Variants in MAP2 observed in about 807,000 individuals in gnomAD.
MAP2 encodes the protein microtubule-associated protein 2.
A neutral mutation model predicts 137.6 loss-of-function variants in MAP2; 14 were observed. That is an observed-to-expected ratio of 0.10 (90% CI 0.07 to 0.16). MAP2 has a LOEUF of 0.16. Ranked by LOEUF, MAP2 falls within the 10% of genes least tolerant of loss-of-function variation. MAP2 has a pLI of 1.00. For missense variants in MAP2, 2,088 were observed against 2,191.5 expected (o/e 0.95, Z 0.94); for synonymous variants, 786 against 782.3 (o/e 1.00, Z -0.08).
chr2:209,529,772 T>C (rs1160087024), intron 2 of MAP2, among the ~76,000 whole-genome samples: 1 of 152,136 alleles, frequency 6.6e-6, no homozygotes, highest in Non-Finnish European at 1.5e-5. Context: ...GCTATTTATT[T>C]CTCATTTTAG....
intron 1 of MAP2, among the ~76,000 whole-genome samples, chr2:209,458,351 G>A (rs892424025): frequency 2.0e-5 from 3 of 152,116 alleles, no homozygotes; most frequent in Admixed American, 6.6e-5. Flanking sequence ...ATGAGTGGAT[G>A]CATTCCAACT....
At chr2:209,462,149 GA>G (rs1416254622) in intron 1 of MAP2, among the ~76,000 whole-genome samples, 1 of 152,168 alleles carries the variant, frequency 6.6e-6, no homozygotes, top group African/African-American at 2.4e-5. Context: ...TGACAACTAT[GA>G]AACGTTTTGT....
At chr2:209,430,902 T>C (rs1403399493) in intron 1 of MAP2, among the ~76,000 whole-genome samples, 1 of 152,196 alleles carries the variant, frequency 6.6e-6, no homozygotes, top group Non-Finnish European at 1.5e-5. Context: ...CTAGGACTTA[T>C]TTAAAAGATC....
intron 5 of MAP2, among the ~76,000 whole-genome samples, chr2:209,662,207 G>A (rs1445736633): frequency 1.3e-5 from 2 of 152,124 alleles, no homozygotes; most frequent in African/African-American, 4.8e-5. Flanking sequence ...AATATAATAG[G>A]ATATTTAAAA....
chr2:209,717,969 A>G (rs969307619), intron 13 of MAP2, among the ~76,000 whole-genome samples: 22 of 152,342 alleles, frequency 1.4e-4, no homozygotes, highest in South Asian at 4.1e-4. Flanking sequence ...ACGAACTTGT[A>G]AAAATACTGT....
At chr2:209,563,893 G>A (rs570924953) in intron 2 of MAP2, among the ~76,000 whole-genome samples, 13 of 152,092 alleles carry the variant, frequency 8.5e-5, no homozygotes, top group Non-Finnish European at 1.2e-4. Flanking sequence ...AAACTTGCAC[G>A]TACTAGGTGA....
At chr2:209,570,114 A>T (rs1251998750) in intron 2 of MAP2, among the ~76,000 whole-genome samples, 1 of 151,878 alleles carries the variant, frequency 6.6e-6, no homozygotes, top group Non-Finnish European at 1.5e-5. Context: ...GTAAAAATCT[A>T]TATTTTTAAT....
chr2:209,543,815 T>C (rs999138615), intron 2 of MAP2, among the ~76,000 whole-genome samples: 7 of 152,232 alleles, frequency 4.6e-5, no homozygotes, highest in Non-Finnish European at 7.3e-5. Flanking sequence ...TTTGCTTTAG[T>C]ACTGTATGAA....
intron 4 of MAP2, among the ~76,000 whole-genome samples, chr2:209,652,928 T>A (rs146405894): frequency 6.6e-6 from 1 of 152,336 alleles, no homozygotes; most frequent in East Asian, 1.9e-4. Flanking sequence ...ATGACATTGA[T>A]CTTATTTTAA....
At chr2:209,651,443 C>A (rs2094793239) in intron 4 of MAP2, among the ~76,000 whole-genome samples, 1 of 152,136 alleles carries the variant, frequency 6.6e-6, no homozygotes, top group Admixed American at 6.6e-5. Flanking sequence ...ATATAATTAA[C>A]AAACAATAAC....
chr2:209,494,679 G>A (rs1359197402), intron 1 of MAP2, among the ~76,000 whole-genome samples: 1 of 152,174 alleles, frequency 6.6e-6, no homozygotes, highest in Admixed American at 6.5e-5. Flanking sequence ...TATGCCTATG[G>A]AGTAGCTATT....
intron 11 of MAP2, among the ~76,000 whole-genome samples, chr2:209,703,777 A>G (rs1220461216): frequency 1.3e-5 from 2 of 152,040 alleles, no homozygotes; most frequent in Non-Finnish European, 2.9e-5. Flanking sequence ...CCTTCTATCT[A>G]TCCACCCACT....
At chr2:209,728,758 G>T (rs753521699) in intron 14 of MAP2, among the ~76,000 whole-genome samples, 8 of 152,152 alleles carry the variant, frequency 5.3e-5, no homozygotes, top group African/African-American at 9.7e-5. Flanking sequence ...TCCCAAGCAA[G>T]ATGCACTTTA....
At chr2:209,628,662 T>A (rs2092667657) in intron 4 of MAP2, among the ~76,000 whole-genome samples, 1 of 152,194 alleles carries the variant, frequency 6.6e-6, no homozygotes, top group Non-Finnish European at 1.5e-5. Flanking sequence ...CACCAATGAC[T>A]GCCTGTAATA....
chr2:209,598,300 C>G (rs901658902), intron 3 of MAP2, among the ~76,000 whole-genome samples: 1 of 152,076 alleles, frequency 6.6e-6, no homozygotes, highest in African/African-American at 2.4e-5. Flanking sequence ...CCACCGTACC[C>G]AGCCTTGTGT....
intron 1 of MAP2, among the ~76,000 whole-genome samples, chr2:209,490,332 G>A (rs1370401958): frequency 6.6e-6 from 1 of 152,048 alleles, no homozygotes; most frequent in Non-Finnish European, 1.5e-5. Context: ...CAAGCCAAAT[G>A]TAAAGACCAT....
intron 14 of MAP2, among the ~76,000 whole-genome samples, chr2:209,726,395 C>G (rs986781174): frequency 6.6e-6 from 1 of 152,096 alleles, no homozygotes; most frequent in African/African-American, 2.4e-5. Flanking sequence ...GATTTTCTCC[C>G]TTTAAAGTGT....
chr2:209,509,456 A>G (rs2061470043), intron 2 of MAP2, among the ~76,000 whole-genome samples: 1 of 151,992 alleles, frequency 6.6e-6, no homozygotes, highest in Non-Finnish European at 1.5e-5. Flanking sequence ...AGGTCTTCCC[A>G]CTTGGATATG....
intron 1 of MAP2, among the ~76,000 whole-genome samples, chr2:209,441,540 G>A (rs534983437): frequency 6.6e-6 from 1 of 151,660 alleles, no homozygotes; most frequent in South Asian, 2.1e-4. Flanking sequence ...TCGAAGTGGA[G>A]GCCAGCTGTT....
Sources: allele counts gnomAD v4.1 joint callset (sites outside exome capture counted in the v4.1 genomes callset), GRCh38; gene constraint gnomAD v4.1.1; transcripts MANE v1.5; gene names NCBI Gene and HGNC (gene_info 2026-07-23, HGNC 2026-07-21).